NRXN3: variants seen among roughly 807,000 people sequenced by gnomAD.
NRXN3 encodes the protein neurexin 3, also known as neurexin III.
A neutral mutation model predicts 137.6 loss-of-function variants in NRXN3; 32 were observed. That is an observed-to-expected ratio of 0.23 (90% CI 0.18 to 0.31). The LOEUF is 0.31. Among genes scored for constraint, NRXN3 ranks in the 10% least tolerant of loss-of-function variants. The probability of loss-of-function intolerance (pLI) is 1.00; values close to 1 mark genes in which losing one functional copy is unlikely to be tolerated. For synonymous variants in NRXN3, 798 were observed against 784.5 expected, an observed-to-expected ratio of 1.02 and a Z score of -0.29; for missense variants, 1,574 against 2,062.5, an observed-to-expected ratio of 0.76 and a Z score of 4.59.
At chr14:78,919,779 T>C (rs1425498549) in intron 10 of NRXN3, among the ~76,000 whole-genome samples, 1 of 151,228 alleles carries the variant, frequency 6.6e-6, no homozygotes, top group Non-Finnish European at 1.5e-5. Context: ...TTAGAATATC[T>C]TTAAAAATAT....
intron 1 of NRXN3, among the ~76,000 whole-genome samples, chr14:78,187,449 TG>T (rs2060327315): frequency 6.6e-6 from 1 of 152,072 alleles, no homozygotes; most frequent in African/African-American, 2.4e-5. Flanking sequence ...TCTTTGTAGT[TG>T]GGGATGGCTT....
chr14:78,941,087 A>G (rs1302412933), intron 10 of NRXN3, among the ~76,000 whole-genome samples: 2 of 152,202 alleles, frequency 1.3e-5, no homozygotes, highest in Non-Finnish European at 2.9e-5. Context: ...ATACATTCAT[A>G]TAAATGCATG....
chr14:78,952,081 G>T (rs78942116), intron 10 of NRXN3, among the ~76,000 whole-genome samples: 9,059 of 152,194 alleles, frequency 0.06, 409 homozygotes, highest in Admixed American at 0.083. Flanking sequence ...AGACTTCTCT[G>T]TAGAAGACTT....
chr14:78,654,849 A>G (rs1041418025), intron 6 of NRXN3, among the ~76,000 whole-genome samples: 2 of 152,202 alleles, frequency 1.3e-5, no homozygotes, highest in African/African-American at 4.8e-5. Flanking sequence ...ACATTAATAA[A>G]TATCTTTCCT....
At chr14:79,116,260 T>G (rs1204857251) in intron 15 of NRXN3, among the ~76,000 whole-genome samples, 1 of 152,162 alleles carries the variant, frequency 6.6e-6, no homozygotes, top group Non-Finnish European at 1.5e-5. Context: ...CCTCCATTAC[T>G]GAAAGAAGCA....
intron 15 of NRXN3, among the ~76,000 whole-genome samples, chr14:79,371,742 G>A (rs1011385247): frequency 3.3e-5 from 5 of 152,018 alleles, no homozygotes; most frequent in Admixed American, 2.0e-4. Context: ...CGTTTGTGGG[G>A]AAAATTCTTA....
intron 15 of NRXN3, among the ~76,000 whole-genome samples, chr14:79,294,594 G>A (rs1394986205): frequency 6.6e-6 from 1 of 152,132 alleles, no homozygotes; most frequent in African/African-American, 2.4e-5. Flanking sequence ...AGTCATCCAA[G>A]TATTAAGTGA....
chr14:78,414,639 C>T (rs2093027882), intron 4 of NRXN3, among the ~76,000 whole-genome samples: 1 of 152,252 alleles, frequency 6.6e-6, no homozygotes, highest in South Asian at 2.1e-4. Flanking sequence ...CTCTCCATGA[C>T]CCTGCAAGAT....
chr14:78,770,852 G>T (rs980028115), intron 8 of NRXN3, among the ~76,000 whole-genome samples: 15 of 148,722 alleles, frequency 1.0e-4, no homozygotes, highest in South Asian at 2.2e-4. Flanking sequence ...TTTGGGGTTG[G>T]GGGGGGTACA....
At chr14:78,186,234 A>G (rs77777106) in intron 1 of NRXN3, among the ~76,000 whole-genome samples, 125 of 152,336 alleles carry the variant, frequency 8.2e-4, no homozygotes, top group African/African-American at 2.8e-3. Context: ...TCGTTGGTCA[A>G]TGTTGTTCTC....
chr14:78,268,038 T>C (rs959289000), intron 2 of NRXN3, among the ~76,000 whole-genome samples: 3 of 152,172 alleles, frequency 2.0e-5, no homozygotes, highest in African/African-American at 4.8e-5. Context: ...CTCCCCAGCT[T>C]TTCTGAGAAT....
chr14:78,560,619 G>A (rs923610587), intron 4 of NRXN3, among the ~76,000 whole-genome samples: 1 of 152,166 alleles, frequency 6.6e-6, no homozygotes, highest in African/African-American at 2.4e-5. Context: ...CAAGCCAGCT[G>A]GATTAGAGGG....
chr14:79,754,771 G>A (rs1040596872), intron 19 of NRXN3, among the ~76,000 whole-genome samples: 2 of 151,784 alleles, frequency 1.3e-5, no homozygotes, highest in African/African-American at 4.8e-5. Flanking sequence ...CCTGTTTGTT[G>A]TGGGAGGGAC....
chr14:78,757,394 A>C (rs2098673532), intron 8 of NRXN3, among the ~76,000 whole-genome samples: 1 of 141,518 alleles, frequency 7.1e-6, no homozygotes, highest in Non-Finnish European at 1.5e-5. Context: ...GGCGACAGAG[A>C]GAGATTCCAT....
chr14:78,968,461 G>T (rs1333202001), intron 14 of NRXN3, 115 bp downstream of exon 14: 4 of 880,800 alleles, frequency 4.5e-6, no homozygotes, highest in Non-Finnish European at 6.8e-6. Context: ...ATTCTCATTT[G>T]CCACGTGACA....
chr14:78,498,955 G>T (rs1385863479), intron 4 of NRXN3, among the ~76,000 whole-genome samples: 2 of 152,056 alleles, frequency 1.3e-5, no homozygotes, highest in African/African-American at 4.8e-5. Flanking sequence ...TATTGGTCAT[G>T]TTACCTTGGG....
At chr14:78,367,845 T>C (rs867327020) in intron 4 of NRXN3, among the ~76,000 whole-genome samples, 3 of 152,192 alleles carry the variant, frequency 2.0e-5, no homozygotes, top group Non-Finnish European at 2.9e-5. Flanking sequence ...ATAATGCAAA[T>C]TGATAATGTA....
At chr14:78,845,905 G>GGT (rs3034390) in intron 10 of NRXN3, among the ~76,000 whole-genome samples, 29,746 of 146,180 alleles carry the variant, frequency 0.2, 3,012 homozygotes, top group East Asian at 0.27. Flanking sequence ...AGTATGTTGG[G>GGT]GTGTGTGTGT....
At chr14:78,271,152 C>T (rs540090570) in intron 2 of NRXN3, among the ~76,000 whole-genome samples, 15 of 152,316 alleles carry the variant, frequency 9.8e-5, no homozygotes, top group African/African-American at 2.9e-4. Context: ...GTAGTACTTA[C>T]GTACTTCTTA....
Sources: gnomAD v4.1 joint callset for allele counts (sites outside exome capture counted in the v4.1 genomes callset) on GRCh38, gnomAD v4.1.1 for gene constraint, MANE v1.5 for transcripts, NCBI Gene and HGNC (gene_info 2026-07-23, HGNC 2026-07-21) for gene names.